STX17: variants seen among roughly 807,000 people sequenced by gnomAD.
STX17 encodes the protein syntaxin-17.
In STX17, 29 loss-of-function variants were observed where a neutral mutation model predicts 35.9. The ratio of observed to expected loss-of-function variants is 0.81; its 90% confidence interval spans 0.60 to 1.10. The LOEUF (loss-of-function observed/expected upper bound fraction) is 1.10. Ranked by LOEUF, STX17 falls within the 50% of genes least tolerant of loss-of-function variation. The pLI is 0.00. For missense variants in STX17, 312 were observed against 352.3 expected (o/e 0.89, Z 0.92); for synonymous variants, 92 against 118.3 (o/e 0.78, Z 1.44).
At chr9:99,957,661 T>TG (rs1829736759) in intron 4 of STX17, among the ~76,000 whole-genome samples, 1 of 150,498 alleles carries the variant, frequency 6.6e-6, no homozygotes, top group Non-Finnish European at 1.5e-5. Context: ...TTTTTGTTTT[T>TG]TTTTTTTTTT....
chr9:99,960,385 G>C (rs964612652), intron 6 of STX17, among the ~76,000 whole-genome samples: 2 of 151,890 alleles, frequency 1.3e-5, no homozygotes, highest in African/African-American at 4.8e-5. Context: ...TTGAGAGTGT[G>C]GTCAGGTTGG....
chr9:99,920,591 A>C (rs1351791534), intron 2 of STX17, among the ~76,000 whole-genome samples: 1 of 152,236 alleles, frequency 6.6e-6, no homozygotes, highest in African/African-American at 2.4e-5. Flanking sequence ...CCCAAAGCAT[A>C]GTAATTGGCT....
intron 3 of STX17, among the ~76,000 whole-genome samples, chr9:99,949,073 C>CT: frequency 6.6e-6 from 1 of 152,134 alleles, no homozygotes; most frequent in Middle Eastern, 3.4e-3. Flanking sequence ...GGCTGTAGTC[C>CT]AAATTCTGCC....
chr9:99,923,639 G>C lies in STX17; in HGVS notation c.124-5139G>C, dbSNP rs568655126. Among the ~76,000 whole-genome samples, 15 of 152,254 alleles carry C rather than the reference G, an allele frequency of 9.9e-5. No homozygotes were observed. In the South Asian group the frequency reaches 3.1e-3, roughly 32 times the overall value. On this transcript the variant is annotated intron_variant, in intron 2 of 7. Coordinates refer to ENST00000259400, the MANE Select transcript of STX17 (RefSeq NM_017919.3). The stretch of plus-strand genomic sequence containing the variant: ...ATTCAATTCTGGTGCTGTCTACCTA[G>C]AGATAGCCTCAGAAACCACAGTTTG...
intron 2 of STX17, among the ~76,000 whole-genome samples, chr9:99,918,413 G>A (rs2416938): frequency 0.43 from 65,365 of 152,008 alleles, 15,327 homozygotes; most frequent in East Asian, 0.7. Context: ...TAGGATTACG[G>A]ATGTGAACAA....
At chr9:99,911,291 C>G (rs558305704) in intron 1 of STX17, among the ~76,000 whole-genome samples, 2 of 152,188 alleles carry the variant, frequency 1.3e-5, no homozygotes, top group South Asian at 4.1e-4. Context: ...CCTCCACCTC[C>G]CAAAGTGCTG....
Position 99,942,803 on chromosome 9 carries a change from A to G in STX17, c.190-8257A>G, listed in dbSNP as rs146662807. ...ATTTGAAAACTTCATTTTTTTTCCCATCATTGCTCTGTAGTGCTACTTTTG... is the reference window on the plus strand; with the variant it reads ...ATTTGAAAACTTCATTTTTTTTCCCGTCATTGCTCTGTAGTGCTACTTTTG... On this transcript the variant is annotated intron_variant, in intron 3 of 7. Coordinates refer to ENST00000259400, the MANE Select transcript of STX17 (RefSeq NM_017919.3). Among the ~76,000 whole-genome samples the G allele has an allele frequency of 1.9e-3, 284 of 151,822 alleles. 4 individuals carry two copies. Among genetic ancestry groups the G allele is most frequent in the Admixed American group, 0.017 (255 of 15,246 alleles).
At position 99,955,840 on chromosome 9, in the gene STX17, A is replaced by G. The variant is rs148759562; in HGVS notation, c.416-4077A>G. Among the ~76,000 whole-genome samples the G allele has an allele frequency of 6.3e-3, 953 of 152,178 alleles. 8 individuals are homozygous for G. Among genetic ancestry groups the G allele is most frequent in the African/African-American group, 0.021 (879 of 41,532 alleles). On this transcript the variant is annotated intron_variant, in intron 4 of 7. Transcript: ENST00000259400. ...GGAGTACCTGAGATGATTATGTTAC[A>G]TGAAACAGTTACAATTTTTTACTTC...
intron 1 of STX17, 30 bp from the exon 2 acceptor site, chr9:99,915,148 A>G (rs534121312): frequency 1.4e-6 from 2 of 1,381,456 alleles, no homozygotes; most frequent in South Asian, 3.5e-5. Flanking sequence ...CAGATTTGAA[A>G]ACATTCTTAA....
chr9:99,960,205 G>A, intron 6 of STX17, 50 bp downstream of exon 6: 1 of 1,547,530 alleles, frequency 6.5e-7, no homozygotes, highest in Non-Finnish European at 8.8e-7. Context: ...ATTAGAATGA[G>A]AAGCTTTTAT....
At chr9:99,965,868 C>G (rs1190869501) in intron 6 of STX17, among the ~76,000 whole-genome samples, 1 of 152,136 alleles carries the variant, frequency 6.6e-6, no homozygotes, top group Non-Finnish European at 1.5e-5. Flanking sequence ...TTTGCAAACA[C>G]ATTTTATCCC....
intron 2 of STX17, among the ~76,000 whole-genome samples, chr9:99,924,737 A>G (rs1419926096): frequency 6.6e-6 from 1 of 151,234 alleles, no homozygotes; most frequent in East Asian, 1.9e-4. Context: ...CCTTTGCCCC[A>G]CCCACCCTCT....
intron 1 of STX17, among the ~76,000 whole-genome samples, chr9:99,911,312 CAT>C (rs1174265541): frequency 6.6e-6 from 1 of 152,138 alleles, no homozygotes; most frequent in Non-Finnish European, 1.5e-5. Context: ...GGATTATAGG[CAT>C]GAGCCATCGC....
At position 99,971,297 on chromosome 9, in the gene STX17, T is replaced by G. The variant is rs2118562990; in HGVS notation, c.*2624T>G. ...GCAGCAATCCTAAGGACTTTTTTTT[T>G]TTTTTTAACATAATCTGAGAATTTC... On this transcript the variant is annotated 3_prime_UTR_variant, in exon 8 of 8. Transcript: ENST00000259400. 6.6e-6 allele frequency among the ~76,000 whole-genome samples: 1 copy of G among 152,184 alleles called. No homozygotes were observed. The highest frequency in any genetic ancestry group is 2.1e-4 in the South Asian group (1 of 4,824).
chr9:99,951,558 G>A (rs1442622401), intron 4 of STX17, among the ~76,000 whole-genome samples: 1 of 151,992 alleles, frequency 6.6e-6, no homozygotes, highest in Non-Finnish European at 1.5e-5. Flanking sequence ...TATTTCCTAA[G>A]GATAATGTCA....
chr9:99,920,784 TCTC>T (rs942797558), intron 2 of STX17, among the ~76,000 whole-genome samples: 1 of 151,110 alleles, frequency 6.6e-6, no homozygotes, highest in African/African-American at 2.4e-5. Context: ...TTAAGTTTTT[TCTC>T]CTCCTCAAAT....
intron 2 of STX17, among the ~76,000 whole-genome samples, chr9:99,918,898 T>G (rs953117414): frequency 2.0e-5 from 3 of 152,030 alleles, no homozygotes; most frequent in Non-Finnish European, 4.4e-5. Flanking sequence ...GTGAGGAGCT[T>G]GGAGGGGTGG....
At chr9:99,943,474 ATT>A (rs1829409989) in intron 3 of STX17, among the ~76,000 whole-genome samples, 1 of 152,034 alleles carries the variant, frequency 6.6e-6, no homozygotes, top group South Asian at 2.1e-4. Context: ...CGCCCAGCAA[ATT>A]TTTGTATTTC....
At chr9:99,961,922 A>G (rs1829833080) in intron 6 of STX17, among the ~76,000 whole-genome samples, 1 of 152,128 alleles carries the variant, frequency 6.6e-6, no homozygotes, top group Admixed American at 6.6e-5. Flanking sequence ...GAAGGGTTAG[A>G]GTTAAAAGTG....
Sources: gnomAD v4.1 joint callset for allele counts (sites outside exome capture counted in the v4.1 genomes callset) on GRCh38, gnomAD v4.1.1 for gene constraint, MANE v1.5 for transcripts, NCBI Gene and HGNC (gene_info 2026-07-23, HGNC 2026-07-21) for gene names.